The following UBE3A variants were observed in gnomAD, a reference collection of about 807,000 sequenced individuals.
UBE3A encodes the protein ubiquitin-protein ligase E3A.
UBE3A carries 6 observed loss-of-function variants against 83.4 expected under a neutral mutation model. That is an observed-to-expected ratio of 0.07 (90% CI 0.04 to 0.14). The LOEUF (loss-of-function observed/expected upper bound fraction) is 0.14. Among genes scored for constraint, UBE3A ranks in the 10% least tolerant of loss-of-function variants. The pLI is 1.00. For missense variants in UBE3A, 456 were observed against 1,036.1 expected (o/e 0.44, Z 7.69); for synonymous variants, 337 against 355.4 (o/e 0.95, Z 0.58).
intron 4 of UBE3A, among the ~76,000 whole-genome samples, chr15:25,389,906 CAGACA>C (rs2083942506): frequency 1.3e-5 from 2 of 152,034 alleles, no homozygotes; most frequent in African/African-American, 4.8e-5. Flanking sequence ...GACAGACAGA[CAGACA>C]AGACAGACAG....
At chr15:25,388,398 G>T (rs375255800) in intron 4 of UBE3A, among the ~76,000 whole-genome samples, 1 of 152,122 alleles carries the variant, frequency 6.6e-6, no homozygotes, top group African/African-American at 2.4e-5. Flanking sequence ...ATGGAGAGAA[G>T]TATGTGACAA....
chr15:25,352,262 T>C (rs917040831), intron 11 of UBE3A, among the ~76,000 whole-genome samples: 5 of 152,216 alleles, frequency 3.3e-5, no homozygotes, highest in African/African-American at 1.2e-4. Flanking sequence ...TGGCAACTTT[T>C]AGTTGAAATG....
intron 1 of UBE3A, among the ~76,000 whole-genome samples, chr15:25,434,291 G>A (rs954815876): frequency 6.6e-6 from 1 of 151,944 alleles, no homozygotes; most frequent in African/African-American, 2.4e-5. Flanking sequence ...TTAAAAAAAA[G>A]GACTTGGCCA....
intron 4 of UBE3A, among the ~76,000 whole-genome samples, chr15:25,383,940 A>G (rs1224702355): frequency 7.9e-5 from 12 of 152,164 alleles, no homozygotes; most frequent in Admixed American, 7.9e-4. Flanking sequence ...TTTATGTTGA[A>G]AACTCTAGCC....
At chr15:25,408,380 A>G in intron 3 of UBE3A, 1 of 596,130 alleles carries the variant, frequency 1.7e-6, no homozygotes, top group Middle Eastern at 4.5e-4. Flanking sequence ...TTCAAAACAT[A>G]TAACCAAAGG....
chr15:25,412,010 A>C (rs1003076185), intron 1 of UBE3A, 39 bp from the exon 2 acceptor site: 1 of 152,328 alleles, frequency 6.6e-6, no homozygotes, highest in African/African-American at 2.4e-5. Flanking sequence ...TTTTTACATA[A>C]ACAACTGGAT....
intron 11 of UBE3A, among the ~76,000 whole-genome samples, chr15:25,345,069 A>G (rs2075447999): frequency 6.6e-6 from 1 of 152,194 alleles, no homozygotes. Context: ...GAACCATTGC[A>G]TATAATTGGA....
intron 1 of UBE3A, among the ~76,000 whole-genome samples, chr15:25,426,786 C>G (rs1405586532): frequency 6.6e-6 from 1 of 151,934 alleles, no homozygotes; most frequent in African/African-American, 2.4e-5. Flanking sequence ...ATTTAGTCTT[C>G]TATTAATGTC....
chr15:25,364,045 A>C (rs1047786872), intron 6 of UBE3A, among the ~76,000 whole-genome samples: 1 of 148,456 alleles, frequency 6.7e-6, no homozygotes, highest in Non-Finnish European at 1.5e-5. Context: ...CTAATAAATA[A>C]ATAAATAAAT....
At position 25,363,642 on chromosome 15, in the gene UBE3A, C is replaced by CAAAA. The variant is rs2078507694; in HGVS notation, c.1609-3116_1609-3115insTTTT. On this transcript the variant is annotated intron_variant, in intron 6 of 12. Coordinates refer to ENST00000648336, the MANE Select transcript of UBE3A (RefSeq NM_130839.5). ...AAGCTCTTAACTACTATGCTTTACT[C>CAAAA]ACTCTCTTCAATGACGACCAAAAAT... 5.3e-5 allele frequency among the ~76,000 whole-genome samples: 8 copies of CAAAA among 152,250 alleles called. No homozygotes were observed. In the South Asian group the frequency reaches 1.7e-3, roughly 32 times the overall value.
intron 1 of UBE3A, among the ~76,000 whole-genome samples, chr15:25,433,711 A>G (rs1465096748): frequency 6.6e-6 from 1 of 152,172 alleles, no homozygotes; most frequent in Non-Finnish European, 1.5e-5. Flanking sequence ...TTTTATAAAT[A>G]ATTTTTAGGG....
At chr15:25,360,628 T>G in intron 6 of UBE3A, 101 bp from the exon 7 acceptor site, 1 of 1,401,760 alleles carries the variant, frequency 7.1e-7, no homozygotes, top group Non-Finnish European at 9.7e-7. Context: ...AATACAAATT[T>G]TTGACTTTTT....
rs192572063 is a variant in UBE3A at position 25,419,784 on chromosome 15, T to A, written c.-164-7813A>T. On this transcript the variant is annotated intron_variant, in intron 1 of 12. Transcript: ENST00000648336. The stretch of plus-strand genomic sequence containing the variant: ...AGGGAGAGTAAATGGATGTATACTA[T>A]TCCAAAATTCTTACATTATACATTA... Among the ~76,000 whole-genome samples, 9 of 152,172 alleles carry A rather than the reference T, an allele frequency of 5.9e-5. No individual in the cohort carries two copies. In the East Asian group the frequency reaches 1.5e-3, roughly 26 times the overall value.
intron 1 of UBE3A, among the ~76,000 whole-genome samples, chr15:25,429,976 G>A (rs1482076047): frequency 1.5e-5 from 2 of 136,478 alleles, no homozygotes; most frequent in African/African-American, 6.1e-5. Flanking sequence ...TTGCACACCA[G>A]CCTGGGCAAC....
At chr15:25,360,187 A>T (rs541616331) in intron 7 of UBE3A, among the ~76,000 whole-genome samples, 196 bp downstream of exon 7, 9 of 152,218 alleles carry the variant, frequency 5.9e-5, no homozygotes, top group Non-Finnish European at 1.3e-4. Context: ...TAAGAAATAA[A>T]AGAATTTGAA....
intron 4 of UBE3A, among the ~76,000 whole-genome samples, chr15:25,378,863 T>A (rs1197313270): frequency 6.6e-6 from 1 of 152,166 alleles, no homozygotes. Context: ...AGACCAAGTT[T>A]CTTGAGGAAA....
chr15:25,359,418 C>CGCGTGT, intron 7 of UBE3A, among the ~76,000 whole-genome samples: 1 of 138,924 alleles, frequency 7.2e-6, no homozygotes, highest in East Asian at 2.2e-4. Context: ...ATAAGGGATG[C>CGCGTGT]GTGTGTGTGT....
intron 4 of UBE3A, among the ~76,000 whole-genome samples, chr15:25,393,050 G>A (rs776904271): frequency 6.7e-6 from 1 of 149,366 alleles, no homozygotes; most frequent in African/African-American, 2.5e-5. Context: ...GTCACTGAAG[G>A]GTTTTAAGCA....
intron 3 of UBE3A, among the ~76,000 whole-genome samples, chr15:25,408,885 G>T (rs1353131008): frequency 1.3e-5 from 2 of 152,044 alleles, no homozygotes; most frequent in Admixed American, 1.3e-4. Flanking sequence ...CATACAGATA[G>T]GTCTTTGATA....
Sources: allele counts gnomAD v4.1 joint callset (sites outside exome capture counted in the v4.1 genomes callset), GRCh38; gene constraint gnomAD v4.1.1; transcripts MANE v1.5; gene names NCBI Gene and HGNC (gene_info 2026-07-23, HGNC 2026-07-21).